CMPK1: variants seen among roughly 807,000 people sequenced by gnomAD.
CMPK1 encodes the protein UMP-CMP kinase.
In CMPK1, 10 loss-of-function variants were observed where a neutral mutation model predicts 25.7. The ratio of observed to expected loss-of-function variants is 0.39; its 90% CI spans 0.24 to 0.66. CMPK1 has a LOEUF of 0.66. Ranked by LOEUF, CMPK1 falls within the 30% of genes least tolerant of loss-of-function variation. The pLI, the probability that CMPK1 is intolerant of heterozygous loss-of-function variation, is 0.48. For synonymous variants in CMPK1, 106 were observed against 101.5 expected (o/e 1.04, Z -0.27); for missense variants, 199 against 280.5 (o/e 0.71, Z 2.08).
At chr1:47,349,705 A>C (rs553522129) in intron 1 of CMPK1, among the ~76,000 whole-genome samples, 4 of 152,350 alleles carry the variant, frequency 2.6e-5, no homozygotes, top group Admixed American at 2.0e-4. Flanking sequence ...TTAATTAAAA[A>C]ATTTTAAGAA....
Position 47,333,911 on chromosome 1 carries a change from G to A in CMPK1, c.-35G>A. 1.6e-6 allele frequency: 2 copies of A among 1,259,068 alleles called. No individual in the cohort carries two copies. Among genetic ancestry groups the A allele is most frequent in the Non-Finnish European group, 2.0e-6 (2 of 989,220 alleles). 78.0% of individuals were successfully genotyped at this position (1,259,068 alleles called of 1,614,324 possible). On this transcript the variant is annotated 5_prime_UTR_variant, in exon 1 of 6. Coordinates refer to ENST00000371873, the MANE Select transcript of CMPK1 (RefSeq NM_016308.3). ...CCCGCCCCGCGCCGCGCCGGCCGCT[G>A]TCAGCTCCCTCAGCGTCCGGCCGAG...
At chr1:47,362,210 C>G (rs139554602) in intron 1 of CMPK1, among the ~76,000 whole-genome samples, 3,103 of 133,952 alleles carry the variant, frequency 0.023, 110 homozygotes, top group African/African-American at 0.08. Flanking sequence ...GCTCTTGTTG[C>G]CTAGGCTGGA....
In CMPK1 at chr1:47,333,876, G is replaced by GCCTCC. The variant is rs1467890283; in HGVS notation, c.-67_-63dup. The GCCTCC allele has an allele frequency of 1.7e-5, 19 of 1,088,184 alleles. No individual in the cohort carries two copies. Among genetic ancestry groups the GCCTCC allele is most frequent in the Non-Finnish European group, 2.0e-5 (18 of 884,460 alleles). The allele number at this position is 1,088,184 out of a possible 1,614,324, so 67.4% of individuals were successfully genotyped here. On this transcript the variant is annotated 5_prime_UTR_variant, in exon 1 of 6. Coordinates refer to ENST00000371873, the MANE Select transcript of CMPK1 (RefSeq NM_016308.3). ...GCTCAGCCCGCCCCTTTCTCCCGCC[G>GCCTCC]CCTCCCCGCCCCGCCCCGCGCCGCG...
intron 1 of CMPK1, among the ~76,000 whole-genome samples, chr1:47,352,095 C>G (rs945689393): frequency 6.6e-6 from 1 of 152,074 alleles, no homozygotes; most frequent in Non-Finnish European, 1.5e-5. Context: ...TGAGATTGCG[C>G]CACTGCACTC....
At chr1:47,340,783 A>G (rs1378683452) in intron 1 of CMPK1, among the ~76,000 whole-genome samples, 7 of 151,964 alleles carry the variant, frequency 4.6e-5, no homozygotes, top group African/African-American at 1.7e-4. Context: ...GATTACAGGC[A>G]TGCGCCACCA....
At chr1:47,376,189 C>T (rs1421571773) in intron 5 of CMPK1, among the ~76,000 whole-genome samples, 2 of 151,458 alleles carry the variant, frequency 1.3e-5, no homozygotes, top group Non-Finnish European at 2.9e-5. Context: ...ATATTACTGT[C>T]TAAAGTAAAA....
intron 1 of CMPK1, among the ~76,000 whole-genome samples, chr1:47,361,394 TA>T (rs1646600533): frequency 6.6e-6 from 1 of 152,016 alleles, no homozygotes; most frequent in East Asian, 1.9e-4. Flanking sequence ...ATCTCAAAAA[TA>T]AATACATAAA....
intron 1 of CMPK1, chr1:47,358,576 C>T (rs3125646): frequency 0.99 from 993,843 of 999,880 alleles, 494,124 homozygotes; most frequent in East Asian, 1. Flanking sequence ...AAAGATTAAA[C>T]AAATTACCCA....
chr1:47,346,846 C>T (rs1646488448), intron 1 of CMPK1, among the ~76,000 whole-genome samples: 1 of 147,596 alleles, frequency 6.8e-6, no homozygotes, highest in East Asian at 2.1e-4. Flanking sequence ...CTCCTCCTCA[C>T]TCCTCTCCCC....
At chr1:47,372,559 C>T (rs902965077) in intron 2 of CMPK1, among the ~76,000 whole-genome samples, 2 of 152,064 alleles carry the variant, frequency 1.3e-5, no homozygotes, top group East Asian at 3.9e-4. Flanking sequence ...GTTGCTGGAG[C>T]AAAGATAATG....
Position 47,360,050 on chromosome 1 carries a change from G to A in CMPK1, c.172-8419G>A, listed in dbSNP as rs572674633. Among the ~76,000 whole-genome samples the A allele has an allele frequency of 3.3e-4, 50 of 152,298 alleles. No homozygotes were observed. In the South Asian group the frequency reaches 9.1e-3, roughly 28 times the overall value. Reference sequence around the variant, plus strand: ...TAGAAATAAGATGAGTATGTAACTTGTATGTTCTACAGTGACAATAAGAAT... The same window carrying A: ...TAGAAATAAGATGAGTATGTAACTTATATGTTCTACAGTGACAATAAGAAT... On this transcript the variant is annotated intron_variant, in intron 1 of 5. Transcript: ENST00000371873.
chr1:47,354,516 C>T (rs894718249), intron 1 of CMPK1, among the ~76,000 whole-genome samples: 3 of 151,256 alleles, frequency 2.0e-5, no homozygotes, highest in African/African-American at 4.9e-5. Flanking sequence ...TTTTTGCGTG[C>T]GTGCCTTTCT....
At chr1:47,344,296 C>T (rs1416450709) in intron 1 of CMPK1, among the ~76,000 whole-genome samples, 1 of 151,970 alleles carries the variant, frequency 6.6e-6, no homozygotes, top group East Asian at 1.9e-4. Flanking sequence ...TTTTGAAGGA[C>T]AGTGGGAAAG....
chr1:47,340,554 A>T (rs1214872751), intron 1 of CMPK1, among the ~76,000 whole-genome samples: 1 of 152,144 alleles, frequency 6.6e-6, no homozygotes, highest in Non-Finnish European at 1.5e-5. Flanking sequence ...TCTCAAACAG[A>T]GCAGCATTCA....
chr1:47,333,830 G>C lies in CMPK1; in HGVS notation c.-116G>C, dbSNP rs1195631787. 1.7e-6 allele frequency: 1 copy of C among 584,844 alleles called. No homozygotes were observed. The highest frequency in any genetic ancestry group is 2.2e-6 in the Non-Finnish European group (1 of 462,154). 36.2% of individuals were successfully genotyped at this position (584,844 alleles called of 1,614,324 possible). ...CGCGGACGCCCGGGCAGCCACGGCG[G>C]CGGGGCCGCGGCGGGCGCCGGCTCA... On this transcript the variant is annotated 5_prime_UTR_variant, in exon 1 of 6. Coordinates refer to ENST00000371873, the MANE Select transcript of CMPK1 (RefSeq NM_016308.3).
intron 3 of CMPK1, among the ~76,000 whole-genome samples, chr1:47,373,738 G>A (rs964793893): frequency 2.0e-5 from 3 of 151,878 alleles, no homozygotes; most frequent in Admixed American, 1.3e-4. Flanking sequence ...AGAGGTTGCA[G>A]TGAGCCAAGA....
At chr1:47,355,593 G>A (rs1646554849) in intron 1 of CMPK1, among the ~76,000 whole-genome samples, 1 of 151,878 alleles carries the variant, frequency 6.6e-6, no homozygotes, top group African/African-American at 2.4e-5. Context: ...GATTACAGGT[G>A]TGAGCCATCA....
At chr1:47,339,254 C>T (rs1646421813) in intron 1 of CMPK1, among the ~76,000 whole-genome samples, 1 of 152,118 alleles carries the variant, frequency 6.6e-6, no homozygotes, top group African/African-American at 2.4e-5. Context: ...AGGTGATCCA[C>T]CTGCCTCAGC....
chr1:47,353,866 G>A (rs879394001), intron 1 of CMPK1, among the ~76,000 whole-genome samples: 24 of 151,968 alleles, frequency 1.6e-4, no homozygotes, highest in Non-Finnish European at 2.2e-4. Flanking sequence ...ACAGGCACCC[G>A]CCCCCATGCC....
Sources: allele counts gnomAD v4.1 joint callset (sites outside exome capture counted in the v4.1 genomes callset), GRCh38; gene constraint gnomAD v4.1.1; transcripts MANE v1.5; gene names NCBI Gene and HGNC (gene_info 2026-07-23, HGNC 2026-07-21).